Variants in TMEM163 observed in about 807,000 individuals in gnomAD.
The protein encoded by TMEM163 is transmembrane protein 163.
In TMEM163, 17 loss-of-function variants were observed where a neutral mutation model predicts 29.3. That is an observed-to-expected ratio of 0.58 (90% confidence interval 0.40 to 0.87). The LOEUF is 0.87. TMEM163 is among the 40% of genes least tolerant of loss of function. TMEM163 has a pLI of 0.00. For synonymous variants in TMEM163, 157 were observed against 160.6 expected, an observed-to-expected ratio of 0.98 and a Z score of 0.17; for missense variants, 303 against 381.5, an observed-to-expected ratio of 0.79 and a Z score of 1.71.
intron 2 of TMEM163, among the ~76,000 whole-genome samples, chr2:134,595,938 T>A (rs1268101964): frequency 6.6e-6 from 1 of 152,208 alleles, no homozygotes; most frequent in Admixed American, 6.5e-5. Context: ...CAGTTCATAT[T>A]CTTCACCCAC....
intron 5 of TMEM163, among the ~76,000 whole-genome samples, chr2:134,498,848 G>A (rs1304325566): frequency 6.6e-6 from 1 of 152,196 alleles, no homozygotes; most frequent in East Asian, 1.9e-4. Flanking sequence ...CAGGAGGCCG[G>A]AGCCAAAAAG....
chr2:134,534,678 C>T (rs1190283830), intron 4 of TMEM163, among the ~76,000 whole-genome samples: 10 of 152,090 alleles, frequency 6.6e-5, no homozygotes, highest in South Asian at 4.2e-4. Context: ...CGCTTGAACC[C>T]GGGAAGTGGA....
At chr2:134,641,958 A>T (rs1441821925) in intron 2 of TMEM163, among the ~76,000 whole-genome samples, 2 of 152,224 alleles carry the variant, frequency 1.3e-5, no homozygotes, top group East Asian at 3.8e-4. Flanking sequence ...AGTAGATTTC[A>T]GAGCAAAAAC....
At position 134,505,239 on chromosome 2, in the gene TMEM163, C is replaced by CCTTTTT. The variant is rs373282805; in HGVS notation, c.459-2243_459-2242insAAAAAG. ...CACATTGTACTCACCTGGGGAATTC[C>CCTTTTT]TTTTTTTTTTTTTTTTTTTTTTAAA... On this transcript the variant is annotated intron_variant, in intron 4 of 7. Transcript: ENST00000281924. Among the ~76,000 whole-genome samples, 406 of 130,176 alleles carry CCTTTTT rather than the reference C, an allele frequency of 3.1e-3. 9 individuals carry two copies. Among genetic ancestry groups the CCTTTTT allele is most frequent in the African/African-American group, 6.8e-3 (225 of 33,278 alleles). 85.4% of individuals were successfully genotyped at this position (130,176 alleles called of 152,430 possible).
At chr2:134,621,358 C>G (rs962884339) in intron 2 of TMEM163, among the ~76,000 whole-genome samples, 12 of 152,158 alleles carry the variant, frequency 7.9e-5, no homozygotes, top group African/African-American at 2.7e-4. Flanking sequence ...AACTGGAATG[C>G]TTATACGATG....
chr2:134,691,709 C>T (rs1342919636), intron 2 of TMEM163, among the ~76,000 whole-genome samples: 3 of 152,222 alleles, frequency 2.0e-5, no homozygotes, highest in Non-Finnish European at 4.4e-5. Flanking sequence ...TCCTTGTTTA[C>T]CACTCTGACA....
chr2:134,567,627 G>C (rs1681325899), intron 2 of TMEM163, among the ~76,000 whole-genome samples: 1 of 152,130 alleles, frequency 6.6e-6, no homozygotes, highest in Admixed American at 6.5e-5. Flanking sequence ...GGAGGCAGAG[G>C]TTGCAGTGAG....
At chr2:134,688,901 C>T (rs1160079305) in intron 2 of TMEM163, among the ~76,000 whole-genome samples, 1 of 152,080 alleles carries the variant, frequency 6.6e-6, no homozygotes, top group African/African-American at 2.4e-5. Flanking sequence ...GTGGCTAGTC[C>T]AAACTGAAAT....
intron 6 of TMEM163, among the ~76,000 whole-genome samples, chr2:134,465,862 C>CA (rs1686659305): frequency 6.6e-6 from 1 of 152,208 alleles, no homozygotes; most frequent in Non-Finnish European, 1.5e-5. Flanking sequence ...TGGGGAGCCC[C>CA]AAGCCTCCCT....
intron 2 of TMEM163, among the ~76,000 whole-genome samples, chr2:134,630,716 G>A (rs1682948937): frequency 2.6e-5 from 4 of 152,152 alleles, no homozygotes; most frequent in Non-Finnish European, 5.9e-5. Context: ...TACCCAGGTT[G>A]AGTTATCGCC....
chr2:134,614,283 G>A (rs1682563634), intron 2 of TMEM163, among the ~76,000 whole-genome samples: 1 of 151,974 alleles, frequency 6.6e-6, no homozygotes, highest in Non-Finnish European at 1.5e-5. Context: ...AAAAAGAATA[G>A]GGAACCACAA....
chr2:134,461,408 C>T (rs1406639976), intron 6 of TMEM163, among the ~76,000 whole-genome samples: 4 of 152,188 alleles, frequency 2.6e-5, no homozygotes, highest in African/African-American at 9.7e-5. Flanking sequence ...TTCAGAGGGG[C>T]TTCTAGATTT....
chr2:134,613,096 T>C (rs1183456353), intron 2 of TMEM163, among the ~76,000 whole-genome samples: 1 of 152,112 alleles, frequency 6.6e-6, no homozygotes, highest in Non-Finnish European at 1.5e-5. Flanking sequence ...GATAAAATAC[T>C]AGAGTTGAAA....
At chr2:134,591,965 T>C (rs1681945807) in intron 2 of TMEM163, among the ~76,000 whole-genome samples, 1 of 150,260 alleles carries the variant, frequency 6.7e-6, no homozygotes, top group African/African-American at 2.4e-5. Context: ...TGAGCTACTA[T>C]GAGTGACCAT....
chr2:134,551,194 A>G (rs938096123), intron 3 of TMEM163, among the ~76,000 whole-genome samples: 10 of 152,038 alleles, frequency 6.6e-5, no homozygotes, highest in African/African-American at 2.4e-4. Context: ...AGAATGACAG[A>G]GAAAAATGTA....
intron 2 of TMEM163, among the ~76,000 whole-genome samples, chr2:134,624,247 T>C (rs1347676930): frequency 6.6e-6 from 1 of 152,190 alleles, no homozygotes. Context: ...GTAGTAAAGT[T>C]ACATAGAAAG....
At chr2:134,527,116 C>T (rs1680312991) in intron 4 of TMEM163, among the ~76,000 whole-genome samples, 1 of 152,114 alleles carries the variant, frequency 6.6e-6, no homozygotes, top group Non-Finnish European at 1.5e-5. Flanking sequence ...TTCATGATAA[C>T]AGACTATTTG....
chr2:134,564,399 T>C (rs1218341604), intron 2 of TMEM163, among the ~76,000 whole-genome samples: 2 of 152,126 alleles, frequency 1.3e-5, no homozygotes, highest in African/African-American at 2.4e-5. Flanking sequence ...GCTGTAGATA[T>C]AAAAGTGTAA....
At chr2:134,572,013 T>C (rs575961977) in intron 2 of TMEM163, among the ~76,000 whole-genome samples, 1 of 152,236 alleles carries the variant, frequency 6.6e-6, no homozygotes, top group African/African-American at 2.4e-5. Context: ...ACTAGCTATG[T>C]TGCCAAACAG....
Sources: allele counts gnomAD v4.1 joint callset (sites outside exome capture counted in the v4.1 genomes callset), GRCh38; gene constraint gnomAD v4.1.1; transcripts MANE v1.5; gene names NCBI Gene and HGNC (gene_info 2026-07-23, HGNC 2026-07-21).